Variants in NARF observed in about 807,000 individuals in gnomAD.
NARF encodes the protein iron-only hydrogenase-like protein 2.
Under a neutral mutation model 48.0 loss-of-function variants are expected in NARF, and 41 were observed. The ratio of observed to expected loss-of-function variants is 0.85; its 90% confidence interval spans 0.66 to 1.11. The LOEUF is 1.11. NARF is among the 50% of genes least tolerant of loss of function. The pLI is 0.00. For missense variants in NARF, 613 were observed against 590.2 expected (o/e 1.04, Z -0.40); for synonymous variants, 215 against 225.5 (o/e 0.95, Z 0.42).
chr17:82,472,945 A>AT (rs1448827952), intron 5 of NARF, among the ~76,000 whole-genome samples: 2 of 150,792 alleles, frequency 1.3e-5, no homozygotes, highest in African/African-American at 4.9e-5. Context: ...TTTTATTTTT[A>AT]TTATTTTTTT....
chr17:82,489,160 A>T lies in NARF; in HGVS notation c.*1003A>T, dbSNP rs2044157019. On this transcript the variant is annotated 3_prime_UTR_variant, in exon 11 of 11. Transcript: ENST00000309794. ...AGTCACCACCCTCCTCCCATTCCTC[A>T]CAGCCAGTCACCACCCTCCTGGACC... 1 of 155,058 alleles carries T rather than the reference A, an allele frequency of 6.4e-6. No individual in the cohort carries two copies. The highest frequency in any genetic ancestry group is 1.4e-5 in the Non-Finnish European group (1 of 69,856). 9.6% of individuals were successfully genotyped at this position (155,058 alleles called of 1,614,324 possible).
chr17:82,472,466 A>G, intron 4 of NARF, 98 bp from the exon 5 acceptor site: 1 of 1,374,236 alleles, frequency 7.3e-7, no homozygotes, highest in Non-Finnish European at 9.7e-7. Flanking sequence ...CCTGGGTGAC[A>G]GAACGAGACT....
At chr17:82,472,543 A>G (rs751708327) in intron 4 of NARF, 21 bp from the exon 5 acceptor site, 1 of 1,591,096 alleles carries the variant, frequency 6.3e-7, no homozygotes, top group South Asian at 1.1e-5. Flanking sequence ...TTTAAGCTGA[A>G]TATGCTCCTC....
rs982392320 is a variant in NARF, at chr17:82,481,744, A to T, written c.769+533A>T. 583 of 434,966 alleles carry T rather than the reference A, an allele frequency of 1.3e-3. 5 individuals are homozygous for T. Among genetic ancestry groups the T allele is most frequent in the African/African-American group, 0.011 (526 of 47,956 alleles). The allele number at this position is 434,966 out of a possible 1,614,324, so 26.9% of individuals were successfully genotyped here. On this transcript the variant is annotated intron_variant, in intron 7 of 10. Coordinates refer to ENST00000309794, the MANE Select transcript of NARF (RefSeq NM_012336.4). ...AAACTTTGTCTCAAAAAAAAAAAAA[A>T]AAGATAAATCAGGTCCTGGGAGAAC... is the stretch of plus-strand genomic sequence containing the variant.
In NARF at chr17:82,459,868, A is replaced by C. The variant is rs886810858; in HGVS notation, c.28-124A>C. 2.0e-5 allele frequency: 16 copies of C among 788,784 alleles called. No homozygotes were observed. The East Asian group carries it at 4.7e-4, about 23-fold the overall frequency. 48.9% of individuals were successfully genotyped at this position (788,784 alleles called of 1,614,324 possible). ...TGGGTGAGAGCGAGACTCCGTCTAAAAAAATAAATAAATAAACTAAAAGAA... is the reference window on the plus strand; with the variant it reads ...TGGGTGAGAGCGAGACTCCGTCTAACAAAATAAATAAATAAACTAAAAGAA... On this transcript the variant is annotated intron_variant, in intron 1 of 10. Transcript: ENST00000309794.
rs774061009 is a variant in NARF, at chr17:82,487,982, A to C, written c.1196A>C (p.Gln399Pro). The change falls in exon 11 of 11, where the codon CAG becomes CCG. Residue 399 changes from glutamine to proline, a missense_variant. Transcript: ENST00000309794. ...DGHADKALLR[Q>P]MEGIYADIPV... The stretch of plus-strand genomic sequence containing the variant: ...CATGCGGATAAGGCCCTGCTGCGGC[A>C]GATGGAAGGCATTTACGCTGACATC... 7 of 1,614,122 alleles carry C rather than the reference A, an allele frequency of 4.3e-6. No homozygotes were observed. In the East Asian group the frequency reaches 1.1e-4, roughly 26 times the overall value.
chr17:82,468,763 G>T lies in NARF; in HGVS notation c.253-1G>T. 1 of 1,613,316 alleles carries T rather than the reference G, an allele frequency of 6.2e-7. No individual in the cohort carries two copies. The highest frequency in any genetic ancestry group is 8.5e-7 in the Non-Finnish European group (1 of 1,179,764). ...CTAACATTCTCTATTTCTCCTTCTA[G>T]AAATGTGATACCTCAAAGCACAAAG... On this transcript the variant is annotated splice_acceptor_variant, in intron 3 of 10. Coordinates refer to ENST00000309794, the MANE Select transcript of NARF (RefSeq NM_012336.4). LOFTEE classifies it high-confidence loss of function.
rs570533419 is a variant in NARF, at chr17:82,489,822, T to C, written c.*1665T>C. 6.6e-6 allele frequency: 1 copy of C among 151,728 alleles called. No individual in the cohort carries two copies. Among genetic ancestry groups the C allele is most frequent in the Admixed American group, 6.6e-5 (1 of 15,138 alleles). The allele number at this position is 151,728 out of a possible 1,614,324, so 9.4% of individuals were successfully genotyped here. On this transcript the variant is annotated 3_prime_UTR_variant, in exon 11 of 11. Transcript: ENST00000309794. ...GAGTTTCTACATGGGAGACTCTGTC[T>C]CTACAAATTTTTTTTTTTTTTTTGA...
chr17:82,480,702 C>G lies in NARF; in HGVS notation c.640-380C>G, dbSNP rs141554985. ...AATTCTAGTACTTTGGAGGCCGAGG[C>G]GGGCAGATTGCCTGAGCTCAGGAGT... On this transcript the variant is annotated intron_variant, in intron 6 of 10. Coordinates refer to ENST00000309794, the MANE Select transcript of NARF (RefSeq NM_012336.4). 48 of 439,070 alleles carry G rather than the reference C, an allele frequency of 1.1e-4. No homozygotes were observed. In the Admixed American group the frequency reaches 1.8e-3, roughly 17 times the overall value. The allele number at this position is 439,070 out of a possible 1,614,324, so 27.2% of individuals were successfully genotyped here.
chr17:82,487,502 GA>G (rs1567948751), intron 10 of NARF, among the ~76,000 whole-genome samples: 1 of 151,060 alleles, frequency 6.6e-6, no homozygotes, highest in African/African-American at 2.4e-5. Context: ...AAAAAAAGAA[GA>G]ATGAGAGGCA....
chr17:82,460,055 G>C lies in NARF; in HGVS notation c.91G>C (p.Ala31Pro), dbSNP rs1252538917. Residue 31 changes from alanine to proline, a missense_variant, in exon 2 of 11, where the codon GCC (alanine) becomes CCC (proline). By Grantham distance (27) the Ala-to-Pro change is conservative. Coordinates refer to ENST00000309794, the MANE Select transcript of NARF (RefSeq NM_012336.4). ...TGTGTCAGCCGATGCACCGAGTCCA[G>C]CCCAGGAAAATGGAGAGGCAAGTAG... ...ENVSADAPSP[A>P]QENGEKGEFH... The C allele has an allele frequency of 4.3e-6, 7 of 1,613,886 alleles. No individual in the cohort carries two copies. In the East Asian group the frequency reaches 1.6e-4, roughly 36 times the overall value.
intron 5 of NARF, chr17:82,477,519 A>C (rs1685340771): frequency 6.6e-6 from 1 of 152,030 alleles, no homozygotes; most frequent in Non-Finnish European, 1.5e-5. Context: ...AAACAAAAAC[A>C]ACCAAAAAAA....
At chr17:82,473,872 T>A (rs1330789852) in intron 5 of NARF, among the ~76,000 whole-genome samples, 2 of 152,146 alleles carry the variant, frequency 1.3e-5, no homozygotes, top group Non-Finnish European at 2.9e-5. Flanking sequence ...ATTTTTTAAA[T>A]AAATATTTTT....
At position 82,458,783 on chromosome 17, in the gene NARF, C is replaced by T. The variant is rs900360847; in HGVS notation, c.-21C>T. On this transcript the variant is annotated 5_prime_UTR_variant, in exon 1 of 11. Coordinates refer to ENST00000309794, the MANE Select transcript of NARF (RefSeq NM_012336.4). ...CTTCCCTGAGGCTGAGGCGCCCGGC[C>T]TCCCGCCCGCCGCGCTCCAGATGAA... 6 of 1,464,034 alleles carry T rather than the reference C, an allele frequency of 4.1e-6. No individual in the cohort carries two copies. The highest frequency in any genetic ancestry group is 2.8e-5 in the East Asian group (1 of 36,268). 90.7% of individuals were successfully genotyped at this position (1,464,034 alleles called of 1,614,324 possible).
At chr17:82,486,247 G>A (rs1285929834) in intron 10 of NARF, among the ~76,000 whole-genome samples, 1 of 152,194 alleles carries the variant, frequency 6.6e-6, no homozygotes, top group Non-Finnish European at 1.5e-5. Context: ...TGCTGAGGGT[G>A]TGTCAGGGAA....
intron 1 of NARF, chr17:82,459,240 G>T: frequency 1.0e-6 from 1 of 979,478 alleles, no homozygotes; most frequent in Non-Finnish European, 1.2e-6. Context: ...AGCGGGTGAC[G>T]GCTGCTGACC....
intron 4 of NARF, 107 bp downstream of exon 4, chr17:82,469,003 CA>C (rs2043636639): frequency 1.6e-6 from 2 of 1,264,480 alleles, no homozygotes; most frequent in Non-Finnish European, 1.1e-6. Context: ...AAGCAACTTC[CA>C]AAAGAGTCTC....
At chr17:82,481,839 A>G in intron 7 of NARF, 1 of 388,838 alleles carries the variant, frequency 2.6e-6, no homozygotes, top group Non-Finnish European at 4.9e-6. Flanking sequence ...TTGGTGGGAA[A>G]GTTGTCTATA....
At chr17:82,482,679 T>C (rs1260201926) in intron 7 of NARF, 1 of 152,590 alleles carries the variant, frequency 6.6e-6, no homozygotes, top group Admixed American at 6.5e-5. Flanking sequence ...GTCATATAAA[T>C]GTAGCTGGGT....
Sources: allele counts gnomAD v4.1 joint callset (sites outside exome capture counted in the v4.1 genomes callset), GRCh38; gene constraint gnomAD v4.1.1; transcripts MANE v1.5; gene names NCBI Gene and HGNC (gene_info 2026-07-23, HGNC 2026-07-21).